NDUFS4: variants seen among roughly 807,000 people sequenced by gnomAD.
The protein encoded by NDUFS4 is NADH dehydrogenase [ubiquinone] iron-sulfur protein 4, mitochondrial.
A neutral mutation model predicts 24.3 loss-of-function variants in NDUFS4; 28 were observed. The ratio of observed to expected loss-of-function variants is 1.15; its 90% CI spans 0.85 to 1.58. The LOEUF (loss-of-function observed/expected upper bound fraction) is 1.58. Ranked by LOEUF, NDUFS4 falls within the 40% of genes most tolerant of loss-of-function variation. The pLI, the probability that NDUFS4 is intolerant of heterozygous loss-of-function variation, is 0.00. For synonymous variants in NDUFS4, 93 were observed against 69.7 expected (o/e 1.34, Z -1.67); for missense variants, 223 against 207.9 (o/e 1.07, Z -0.45).
At chr5:53,580,982 T>G (rs1262085864) in intron 1 of NDUFS4, among the ~76,000 whole-genome samples, 1 of 152,018 alleles carries the variant, frequency 6.6e-6, no homozygotes, top group Non-Finnish European at 1.5e-5. Context: ...TACAGGCATG[T>G]GCCACCGTGC....
Position 53,636,069 on chromosome 5 carries a change from A to T in NDUFS4, c.178-10164A>T, listed in dbSNP as rs369021382. Among the ~76,000 whole-genome samples, 21 of 152,342 alleles carry T rather than the reference A, an allele frequency of 1.4e-4. 1 individual carries two copies. The highest frequency in any genetic ancestry group is 4.6e-4 in the Admixed American group (7 of 15,292). On this transcript the variant is annotated intron_variant, in intron 2 of 4. Transcript: ENST00000296684. ...TTTACTTATTATTTATTTTTTAAAG[A>T]GATGGGGTCTCACTGTGTGGCCCTG... is the stretch of plus-strand genomic sequence containing the variant.
At chr5:53,578,646 A>G (rs1352536145) in intron 1 of NDUFS4, among the ~76,000 whole-genome samples, 1 of 152,202 alleles carries the variant, frequency 6.6e-6, no homozygotes, top group African/African-American at 2.4e-5. Flanking sequence ...TAAAGTATAT[A>G]AAATGCATAG....
chr5:53,603,448 G>A lies in NDUFS4; in HGVS notation c.99-4G>A. 1 of 1,609,998 alleles carries A rather than the reference G, an allele frequency of 6.2e-7. No homozygotes were observed. The highest frequency in any genetic ancestry group is 8.5e-7 in the Non-Finnish European group (1 of 1,178,238). ...CTTTTTTAACTTAAAGTCTTGCACT[G>A]CAGGTCGTTGAGGACTTCCACATGG... On this transcript the variant is annotated splice_region_variant and splice_polypyrimidine_tract_variant and intron_variant, in intron 1 of 4. Coordinates refer to ENST00000296684, the MANE Select transcript of NDUFS4 (RefSeq NM_002495.4).
chr5:53,586,061 G>T (rs956877490), intron 1 of NDUFS4, among the ~76,000 whole-genome samples: 2 of 151,880 alleles, frequency 1.3e-5, no homozygotes, highest in Non-Finnish European at 1.5e-5. Context: ...AGGTGCAGTG[G>T]CTCACGTCTG....
intron 1 of NDUFS4, among the ~76,000 whole-genome samples, chr5:53,594,761 A>G (rs1055486922): frequency 1.3e-5 from 2 of 152,054 alleles, no homozygotes; most frequent in East Asian, 1.9e-4. Flanking sequence ...TTAATTTGGA[A>G]GACTTTAACC....
chr5:53,568,569 A>G (rs1749115660), intron 1 of NDUFS4, among the ~76,000 whole-genome samples: 1 of 152,132 alleles, frequency 6.6e-6, no homozygotes, highest in Non-Finnish European at 1.5e-5. Flanking sequence ...GTTTCCTTAG[A>G]GGGAAAAAAG....
intron 1 of NDUFS4, among the ~76,000 whole-genome samples, chr5:53,596,180 C>T (rs951817953): frequency 1.3e-5 from 2 of 151,954 alleles, no homozygotes; most frequent in African/African-American, 4.8e-5. Flanking sequence ...TCTGTTATCC[C>T]AGTGCTTTGG....
chr5:53,600,886 A>G (rs886450994), intron 1 of NDUFS4, among the ~76,000 whole-genome samples: 10 of 152,048 alleles, frequency 6.6e-5, no homozygotes, highest in Admixed American at 5.9e-4. Flanking sequence ...TTTACAAAAA[A>G]TTTTTACTGT....
chr5:53,599,996 T>A (rs1436972075), intron 1 of NDUFS4, among the ~76,000 whole-genome samples: 1 of 152,010 alleles, frequency 6.6e-6, no homozygotes, highest in Non-Finnish European at 1.5e-5. Flanking sequence ...ATTTATTTAT[T>A]TATTTTATTA....
chr5:53,655,719 C>T (rs192102981), intron 3 of NDUFS4, among the ~76,000 whole-genome samples: 1 of 152,150 alleles, frequency 6.6e-6, no homozygotes, highest in Non-Finnish European at 1.5e-5. Flanking sequence ...TTCCAACAGA[C>T]AGTTAAATTA....
intron 4 of NDUFS4, among the ~76,000 whole-genome samples, chr5:53,674,208 G>T (rs555772805): frequency 6.6e-6 from 1 of 152,276 alleles, no homozygotes; most frequent in Admixed American, 6.5e-5. Context: ...AATATGACTG[G>T]ATAAAGAAGG....
chr5:53,661,904 G>A (rs1476499232), intron 4 of NDUFS4, among the ~76,000 whole-genome samples: 7 of 152,120 alleles, frequency 4.6e-5, no homozygotes, highest in East Asian at 1.9e-4. Context: ...GGGCTGAGAC[G>A]ATGGGGTTTT....
Position 53,600,297 on chromosome 5 carries a change from C to T in NDUFS4, c.99-3155C>T, listed in dbSNP as rs147817221. ...TACAGGTGTGAGCCGGCCCGCCCGG[C>T]CTATTTTTATTTTTTGTTTATTCAT... On this transcript the variant is annotated intron_variant, in intron 1 of 4. Coordinates refer to ENST00000296684, the MANE Select transcript of NDUFS4 (RefSeq NM_002495.4). Among the ~76,000 whole-genome samples the T allele has an allele frequency of 9.4e-3, 1,394 of 149,012 alleles. 17 individuals are homozygous for T. Among genetic ancestry groups the T allele is most frequent in the African/African-American group, 0.033 (1,320 of 40,402 alleles).
At chr5:53,575,016 G>A (rs781629300) in intron 1 of NDUFS4, among the ~76,000 whole-genome samples, 1 of 152,122 alleles carries the variant, frequency 6.6e-6, no homozygotes, top group Admixed American at 6.5e-5. Context: ...TTTGGCTCCC[G>A]CACATTTCCA....
chr5:53,667,460 G>A (rs997450454), intron 4 of NDUFS4, among the ~76,000 whole-genome samples: 2 of 147,148 alleles, frequency 1.4e-5, no homozygotes, highest in African/African-American at 5.1e-5. Context: ...CTCCAGCCTG[G>A]GCAATAAGAG....
intron 1 of NDUFS4, among the ~76,000 whole-genome samples, chr5:53,582,506 G>A (rs913337925): frequency 1.3e-5 from 2 of 152,212 alleles, no homozygotes; most frequent in South Asian, 4.1e-4. Context: ...GGATGTGGGA[G>A]GAAACTGGAG....
At chr5:53,637,633 A>C (rs148592700) in intron 2 of NDUFS4, among the ~76,000 whole-genome samples, 1 of 152,168 alleles carries the variant, frequency 6.6e-6, no homozygotes, top group Non-Finnish European at 1.5e-5. Flanking sequence ...AAGAAAAAAG[A>C]ATTTCCTTAA....
intron 2 of NDUFS4, among the ~76,000 whole-genome samples, chr5:53,635,505 G>A (rs980367666): frequency 7.9e-5 from 12 of 152,134 alleles, no homozygotes; most frequent in Admixed American, 7.9e-4. Context: ...GGGTGATGGA[G>A]TGAGATCCTT....
chr5:53,646,292 CT>C lies in NDUFS4; in HGVS notation c.240del (p.Phe80LeufsTer12). On this transcript the variant is annotated frameshift_variant, in exon 3 of 5. Transcript: ENST00000296684. LOFTEE classifies it high-confidence loss of function. ...EHIKTRKVRI[F>X]VPARNNMQSG... ...ATATAAAAACTAGAAAAGTCAGGATCTTTGTTCCTGCTCGCAATAACATGCA... is the reference window on the plus strand; with the variant it reads ...ATATAAAAACTAGAAAAGTCAGGATCTTGTTCCTGCTCGCAATAACATGCA... 6.2e-7 allele frequency: 1 copy of C among 1,613,410 alleles called. No individual in the cohort carries two copies. The highest frequency in any genetic ancestry group is 1.1e-5 in the South Asian group (1 of 91,066).
Sources: gnomAD v4.1 joint callset for allele counts (sites outside exome capture counted in the v4.1 genomes callset) on GRCh38, gnomAD v4.1.1 for gene constraint, MANE v1.5 for transcripts, NCBI Gene and HGNC (gene_info 2026-07-23, HGNC 2026-07-21) for gene names.